Variants in RSRC1 observed in about 807,000 individuals in gnomAD.
RSRC1 encodes the protein serine/Arginine-related protein 53.
A neutral mutation model predicts 49.1 loss-of-function variants in RSRC1; 39 were observed. The ratio of observed to expected loss-of-function variants is 0.79; its 90% CI spans 0.61 to 1.04. RSRC1 has a LOEUF of 1.04. RSRC1 is among the 50% of genes least tolerant of loss of function. The pLI is 0.00. For synonymous variants in RSRC1, 143 were observed against 130.8 expected (o/e 1.09, Z -0.63); for missense variants, 388 against 402.4 (o/e 0.96, Z 0.31).
At chr3:158,332,977 T>G (rs113069776) in intron 5 of RSRC1, among the ~76,000 whole-genome samples, 2,598 of 151,158 alleles carry the variant, frequency 0.017, 70 homozygotes, top group African/African-American at 0.06. Flanking sequence ...TTTTGTTTTT[T>G]TTTTTTTTTG....
intron 6 of RSRC1, among the ~76,000 whole-genome samples, chr3:158,428,736 T>TTG (rs1377914546): frequency 6.6e-6 from 1 of 151,890 alleles, no homozygotes; most frequent in Non-Finnish European, 1.5e-5. Flanking sequence ...TGATAATCTT[T>TTG]TGTATCTAAA....
At chr3:158,242,816 G>A (rs1238431039) in intron 4 of RSRC1, among the ~76,000 whole-genome samples, 1 of 152,030 alleles carries the variant, frequency 6.6e-6, no homozygotes, top group Non-Finnish European at 1.5e-5. Context: ...GTGATGTTGA[G>A]CTTTTTTTCA....
intron 3 of RSRC1, among the ~76,000 whole-genome samples, chr3:158,152,054 A>AG (rs1717572911): frequency 6.7e-6 from 1 of 148,262 alleles, no homozygotes; most frequent in Non-Finnish European, 1.5e-5. Context: ...ACTTATAAAA[A>AG]TTAAAAATCA....
intron 5 of RSRC1, among the ~76,000 whole-genome samples, chr3:158,300,378 A>G (rs372176067): frequency 6.6e-6 from 1 of 152,198 alleles, no homozygotes; most frequent in Non-Finnish European, 1.5e-5. Flanking sequence ...TCCATCTTGC[A>G]TTGTACATTA....
chr3:158,411,307 T>C (rs1734453064), intron 6 of RSRC1, among the ~76,000 whole-genome samples: 1 of 152,270 alleles, frequency 6.6e-6, no homozygotes, highest in African/African-American at 2.4e-5. Flanking sequence ...CTGTATACTC[T>C]ATACCTAAAA....
intron 6 of RSRC1, among the ~76,000 whole-genome samples, chr3:158,386,398 A>C (rs1732968208): frequency 2.0e-5 from 3 of 152,038 alleles, no homozygotes; most frequent in Non-Finnish European, 4.4e-5. Context: ...AATACATTTT[A>C]GTTTTGACAA....
At chr3:158,338,613 T>C (rs751408015) in intron 5 of RSRC1, among the ~76,000 whole-genome samples, 7 of 152,246 alleles carry the variant, frequency 4.6e-5, no homozygotes, top group Non-Finnish European at 8.8e-5. Flanking sequence ...TTTTAGATGG[T>C]GCTCACAACC....
chr3:158,324,851 G>A (rs1389070647), intron 5 of RSRC1, among the ~76,000 whole-genome samples: 1 of 152,188 alleles, frequency 6.6e-6, no homozygotes, highest in African/African-American at 2.4e-5. Context: ...CCCATCAACA[G>A]TGTAAAAGTG....
chr3:158,518,142 ATATATATTT>A (rs1740692716), intron 7 of RSRC1, among the ~76,000 whole-genome samples: 2 of 74,618 alleles, frequency 2.7e-5, no homozygotes, highest in Non-Finnish European at 4.6e-5. Context: ...ATATATATAT[ATATATATTT>A]TTTTTTTTTT....
At chr3:158,536,096 C>T (rs1249794102) in intron 7 of RSRC1, among the ~76,000 whole-genome samples, 1 of 151,306 alleles carries the variant, frequency 6.6e-6, no homozygotes, top group Non-Finnish European at 1.5e-5. Flanking sequence ...ACCTTGTCCC[C>T]AATGATCAAT....
At chr3:158,221,382 C>T (rs541666361) in intron 4 of RSRC1, among the ~76,000 whole-genome samples, 3 of 151,354 alleles carry the variant, frequency 2.0e-5, no homozygotes, top group South Asian at 4.2e-4. Flanking sequence ...ATGGATTTCT[C>T]ATCCATTAGA....
chr3:158,489,906 A>C (rs1019658749), intron 7 of RSRC1, among the ~76,000 whole-genome samples: 1 of 152,178 alleles, frequency 6.6e-6, no homozygotes, highest in Non-Finnish European at 1.5e-5. Flanking sequence ...TATTGAGATA[A>C]TGTATGAAAG....
rs372401014 is a variant in RSRC1 at position 158,436,767 on chromosome 3, C to A, written c.584-24168C>A. Among the ~76,000 whole-genome samples the A allele has an allele frequency of 1.1e-4, 16 of 151,792 alleles. No homozygotes were observed. The East Asian group carries it at 1.4e-3, about 13-fold the overall frequency. On this transcript the variant is annotated intron_variant, in intron 6 of 9. Transcript: ENST00000611884. ...TAATATTGTATATTTTATATAAATA[C>A]AATATGCTACCCTGGGCTATAATAC...
At chr3:158,488,173 T>C (rs191461473) in intron 7 of RSRC1, among the ~76,000 whole-genome samples, 205 of 152,124 alleles carry the variant, frequency 1.3e-3, no homozygotes, top group African/African-American at 4.7e-3. Context: ...CTAGAAAATA[T>C]GTTTCTCTCA....
intron 5 of RSRC1, among the ~76,000 whole-genome samples, chr3:158,307,960 T>G (rs192431919): frequency 1.3e-5 from 2 of 152,050 alleles, no homozygotes; most frequent in Admixed American, 6.6e-5. Context: ...GCCTAAATAT[T>G]TCGGCTAAAA....
At chr3:158,236,173 G>A (rs951072754) in intron 4 of RSRC1, among the ~76,000 whole-genome samples, 4 of 151,820 alleles carry the variant, frequency 2.6e-5, no homozygotes, top group African/African-American at 9.7e-5. Flanking sequence ...TGTATTGGAG[G>A]AATACAAAGG....
rs1722722599 is a variant in RSRC1, at chr3:158,229,013, C to CACACATACGTGTATATGTGTGTATAA, written c.494+25774_494+25799dup. ...ACATACGTGTATATGTGTGTATAAA[C>CACACATACGTGTATATGTGTGTATAA]ACACATACGTGTATATGTGTGTATA... is the stretch of plus-strand genomic sequence containing the variant. On this transcript the variant is annotated intron_variant, in intron 4 of 9. Coordinates refer to ENST00000611884, the MANE Select transcript of RSRC1 (RefSeq NM_001271838.2). Among the ~76,000 whole-genome samples, 8 of 94,312 alleles carry CACACATACGTGTATATGTGTGTATAA rather than the reference C, an allele frequency of 8.5e-5. 2 individuals are homozygous for CACACATACGTGTATATGTGTGTATAA. The highest frequency in any genetic ancestry group is 3.0e-4 in the South Asian group (1 of 3,326). 61.9% of individuals were successfully genotyped at this position (94,312 alleles called of 152,430 possible).
chr3:158,194,471 A>C, intron 3 of RSRC1, among the ~76,000 whole-genome samples: 1 of 148,308 alleles, frequency 6.7e-6, no homozygotes, highest in East Asian at 2.0e-4. Flanking sequence ...CTGGACGAGG[A>C]GCTTCAGCAC....
At chr3:158,151,978 G>C (rs913074634) in intron 3 of RSRC1, among the ~76,000 whole-genome samples, 1 of 152,090 alleles carries the variant, frequency 6.6e-6, no homozygotes, top group African/African-American at 2.4e-5. Context: ...AGATAAGTTA[G>C]AGCCTTTGAT....
Sources: gnomAD v4.1 joint callset for allele counts (sites outside exome capture counted in the v4.1 genomes callset) on GRCh38, gnomAD v4.1.1 for gene constraint, MANE v1.5 for transcripts, NCBI Gene and HGNC (gene_info 2026-07-23, HGNC 2026-07-21) for gene names.